Variants in KSR2 observed in about 807,000 individuals in gnomAD.
The protein encoded by KSR2 is kinase suppressor of ras 2.
In KSR2, 25 loss-of-function variants were observed where a neutral mutation model predicts 107.8. The observed-to-expected ratio is 0.23, with a 90% CI of 0.17 to 0.32. The LOEUF is 0.32. Ranked by LOEUF, KSR2 falls within the 10% of genes least tolerant of loss-of-function variation. The probability of loss-of-function intolerance (pLI) is 1.00; values close to 1 mark genes in which losing one functional copy is unlikely to be tolerated. For missense variants in KSR2, 887 were observed against 1,268.9 expected (o/e 0.70, Z 4.57); for synonymous variants, 480 against 507.0 (o/e 0.95, Z 0.71).
intron 5 of KSR2, among the ~76,000 whole-genome samples, chr12:117,607,688 A>AGAGGAGAGGAGAGGG (rs1881362378): frequency 6.8e-6 from 1 of 147,020 alleles, no homozygotes; most frequent in Admixed American, 6.7e-5. Context: ...AGAGGAGAGG[A>AGAGGAGAGGAGAGGG]GAGGAGAGGG....
chr12:117,794,529 A>G (rs1032919224), intron 3 of KSR2, among the ~76,000 whole-genome samples: 21 of 144,256 alleles, frequency 1.5e-4, no homozygotes, highest in Non-Finnish European at 3.0e-4. Flanking sequence ...ACCAACATGC[A>G]CACACAACAT....
intron 5 of KSR2, among the ~76,000 whole-genome samples, chr12:117,586,455 C>T (rs1315617355): frequency 2.6e-5 from 4 of 151,184 alleles, no homozygotes; most frequent in Admixed American, 6.6e-5. Flanking sequence ...TTGTATATGG[C>T]GGGCACCGGT....
chr12:117,637,266 A>AT (rs1325667957), intron 5 of KSR2, among the ~76,000 whole-genome samples: 8 of 152,186 alleles, frequency 5.3e-5, no homozygotes, highest in Admixed American at 1.3e-4. Context: ...ACTGGGGGTG[A>AT]TTTTGACACT....
chr12:117,890,649 C>A (rs954934538), intron 1 of KSR2: 4 of 152,218 alleles, frequency 2.6e-5, no homozygotes, highest in Non-Finnish European at 4.4e-5. Flanking sequence ...AAGACCTATG[C>A]ATTTGGCAGA....
chr12:117,515,046 C>A (rs1224019090), intron 14 of KSR2, among the ~76,000 whole-genome samples: 1 of 152,096 alleles, frequency 6.6e-6, no homozygotes, highest in African/African-American at 2.4e-5. Flanking sequence ...CCCCATGTAC[C>A]CCTGGGATCT....
At chr12:117,877,632 T>A (rs1893901341) in intron 1 of KSR2, among the ~76,000 whole-genome samples, 1 of 152,158 alleles carries the variant, frequency 6.6e-6, no homozygotes, top group Non-Finnish European at 1.5e-5. Flanking sequence ...ATTATTCCCA[T>A]TTTGGAGATG....
At chr12:117,943,622 A>G (rs1053402105) in intron 1 of KSR2, among the ~76,000 whole-genome samples, 1 of 152,130 alleles carries the variant, frequency 6.6e-6, no homozygotes, top group African/African-American at 2.4e-5. Context: ...AGATACATAC[A>G]ATGGAATATT....
intron 5 of KSR2, among the ~76,000 whole-genome samples, chr12:117,654,431 T>C (rs1418274870): frequency 1.3e-4 from 20 of 150,920 alleles, no homozygotes; most frequent in Admixed American, 1.3e-3. Flanking sequence ...AGGGCCTGGT[T>C]CACAGATGGT....
chr12:117,913,284 T>A (rs915913895), intron 1 of KSR2, among the ~76,000 whole-genome samples: 2 of 151,868 alleles, frequency 1.3e-5, no homozygotes, highest in Non-Finnish European at 2.9e-5. Context: ...GCGTAAGAGG[T>A]CCCCACTGCA....
chr12:117,817,183 C>T (rs1891402141), intron 3 of KSR2, among the ~76,000 whole-genome samples: 1 of 152,152 alleles, frequency 6.6e-6, no homozygotes, highest in Non-Finnish European at 1.5e-5. Flanking sequence ...CATTTAAGGA[C>T]TGTTACAGCC....
intron 1 of KSR2, among the ~76,000 whole-genome samples, chr12:117,869,304 G>A (rs938077730): frequency 6.6e-6 from 1 of 151,734 alleles, no homozygotes; most frequent in Admixed American, 6.6e-5. Flanking sequence ...CCCAGGAGAC[G>A]GAGGTTGCAG....
At chr12:117,623,475 A>G (rs1177835605) in intron 5 of KSR2, among the ~76,000 whole-genome samples, 1 of 152,084 alleles carries the variant, frequency 6.6e-6, no homozygotes, top group Non-Finnish European at 1.5e-5. Flanking sequence ...GAGAACATAC[A>G]GTGTTTGGTT....
At chr12:117,808,451 A>C (rs2137042048) in intron 3 of KSR2, among the ~76,000 whole-genome samples, 1 of 152,212 alleles carries the variant, frequency 6.6e-6, no homozygotes, top group Middle Eastern at 3.4e-3. Flanking sequence ...ACCCCTCTAA[A>C]CCTCAATTTC....
rs765240126 is a variant in KSR2 at position 117,469,735 on chromosome 12, T to C, written c.2773A>G (p.Met925Val). ...TTTGGCAGTTTCTCCAGCATGTCCA[T>C]GAGCTTGGTGAAGGTAGGTCTCTCT... is the stretch of plus-strand genomic sequence containing the variant. ...QEERPTFTKLMDMLEKLPKRN... is the reference protein window; with the variant it reads ...QEERPTFTKLVDMLEKLPKRN... Residue 925 changes from methionine to valine, a missense_variant, in exon 19 of 20, where the codon ATG becomes GTG. Coordinates refer to ENST00000339824, the MANE Select transcript of KSR2 (RefSeq NM_173598.6). 3 of 1,612,066 alleles carry C rather than the reference T, an allele frequency of 1.9e-6. No individual in the cohort carries two copies. Among genetic ancestry groups the C allele is most frequent in the Non-Finnish European group, 1.7e-6 (2 of 1,178,240 alleles).
At chr12:117,480,690 G>A (rs1872123670) in intron 16 of KSR2, among the ~76,000 whole-genome samples, 1 of 152,106 alleles carries the variant, frequency 6.6e-6, no homozygotes, top group Non-Finnish European at 1.5e-5. Context: ...GACTCCTGCT[G>A]AGTGCCTACT....
chr12:117,585,044 C>T (rs576625413), intron 5 of KSR2, among the ~76,000 whole-genome samples: 1 of 152,336 alleles, frequency 6.6e-6, no homozygotes, highest in Non-Finnish European at 1.5e-5. Context: ...TTGGTTGTCA[C>T]ACTGTGTGTG....
At chr12:117,613,327 G>A (rs1517202) in intron 5 of KSR2, among the ~76,000 whole-genome samples, 60,764 of 152,002 alleles carry the variant, frequency 0.4, 13,475 homozygotes, top group South Asian at 0.54. Context: ...ATCAGACTCA[G>A]CTCCCCCATT....
At chr12:117,736,812 CAA>C (rs759133206) in intron 4 of KSR2, among the ~76,000 whole-genome samples, 31 of 80,174 alleles carry the variant, frequency 3.9e-4, no homozygotes, top group Admixed American at 5.4e-4. Flanking sequence ...GACCCTGTCT[CAA>C]AAAAAAAAAA....
chr12:117,524,599 CA>C (rs1412001209), intron 14 of KSR2, among the ~76,000 whole-genome samples: 1 of 152,086 alleles, frequency 6.6e-6, no homozygotes, highest in Non-Finnish European at 1.5e-5. Context: ...TCCAGGAGTT[CA>C]AGGCTGCTGT....
Sources: gnomAD v4.1 joint callset for allele counts (sites outside exome capture counted in the v4.1 genomes callset) on GRCh38, gnomAD v4.1.1 for gene constraint, MANE v1.5 for transcripts, NCBI Gene and HGNC (gene_info 2026-07-23, HGNC 2026-07-21) for gene names.